The following POLE variants were observed in gnomAD, a reference collection of about 807,000 sequenced individuals.
POLE encodes the protein DNA polymerase epsilon, catalytic subunit, also known as DNA polymerase epsilon catalytic subunit A.
POLE carries 188 observed loss-of-function variants against 279.2 expected under a neutral mutation model. That is an observed-to-expected ratio of 0.67 (90% CI 0.60 to 0.76). The LOEUF is 0.76. Ranked by LOEUF, POLE falls within the 30% of genes least tolerant of loss-of-function variation. The probability of loss-of-function intolerance (pLI) is 0.00; values close to 1 mark genes in which losing one functional copy is unlikely to be tolerated. For missense variants in POLE, 2,703 were observed against 3,016.7 expected (o/e 0.90, Z 2.44); for synonymous variants, 1,214 against 1,172.5 (o/e 1.04, Z -0.72).
rs745638752 is a variant in POLE, at chr12:132,676,142, G to C, written c.972C>G (p.Pro324=). The part of the protein sequence containing the change: ...SEDIEDFEFT[P]KPEYEGPFCV... ...AAAAGGGGCCTTCATATTCTGGCTT[G>C]GGGGTGAACTCAAAATCTTCAATAT... The change falls in exon 10 of 49, where the codon CCC becomes CCG. Residue 324 remains proline (P), a synonymous_variant. Coordinates refer to ENST00000320574, the MANE Select transcript of POLE (RefSeq NM_006231.4). 4 of 1,612,816 alleles carry C rather than the reference G, an allele frequency of 2.5e-6. No homozygotes were observed. In the African/African-American group the frequency reaches 4.0e-5, roughly 16 times the overall value.
chr12:132,675,652 C>T lies in POLE; in HGVS notation c.1106+83G>A, dbSNP rs556511737. On this transcript the variant is annotated intron_variant, in intron 11 of 48. Transcript: ENST00000320574. The surrounding 1 kb of genome is among the most constrained non-coding windows in gnomAD (Gnocchi z 4.3). ...TGAACCCAGGAGCCACCTCCTAAGT[C>T]GACATGGGAAGCGCCCCTGCACCAC... The T allele has an allele frequency of 1.8e-5, 28 of 1,567,438 alleles. No homozygotes were observed. Among genetic ancestry groups the T allele is most frequent in the South Asian group, 7.8e-5 (7 of 89,250 alleles).
intron 15 of POLE, 152 bp from the exon 16 acceptor site, chr12:132,672,474 A>G (rs1393677278): frequency 4.6e-5 from 48 of 1,038,018 alleles, no homozygotes; most frequent in Non-Finnish European, 6.6e-5. Context: ...GCCCTAAAGA[A>G]GCCCCCGGGG....
rs1397310290 is a variant in POLE at position 132,668,659 on chromosome 12, C to T, written c.2002G>A (p.Ala668Thr). ...CTGAACTCGCCCCTCCACTGCCAGG[C>T]CATCTTCCGCTGGCAGTTTGCTCCA... The part of the protein sequence containing the change: ...KPGANCQRKM[A>T]WQWRGEFMPA... Residue 668 changes from alanine (A) to threonine (T), a missense_variant, in exon 18 of 49, where the codon GCC (alanine) becomes ACC (threonine). Physicochemically the swap from Ala to Thr is moderately conservative, Grantham distance 58. Coordinates refer to ENST00000320574, the MANE Select transcript of POLE (RefSeq NM_006231.4). This position sits in a 1 kb window ranked among gnomAD's most constrained non-coding sequence, Gnocchi z 4.0. The T allele has an allele frequency of 1.2e-5, 20 of 1,613,224 alleles. No individual in the cohort carries two copies. In the Admixed American group the frequency reaches 3.3e-4, roughly 27 times the overall value.
At chr12:132,659,061 C>T (rs897861208) in intron 26 of POLE, among the ~76,000 whole-genome samples, 2 of 152,158 alleles carry the variant, frequency 1.3e-5, no homozygotes, top group Non-Finnish European at 2.9e-5. Flanking sequence ...TATAGTGTAT[C>T]TCATTCCCTA....
chr12:132,651,966 C>T (rs568158626), intron 29 of POLE, among the ~76,000 whole-genome samples: 45 of 152,328 alleles, frequency 3.0e-4, no homozygotes, highest in African/African-American at 9.4e-4. Flanking sequence ...ATAGCTAACA[C>T]GTTTATGAGC....
chr12:132,647,908 G>A (rs1334695537), intron 32 of POLE, among the ~76,000 whole-genome samples: 2 of 152,078 alleles, frequency 1.3e-5, no homozygotes, highest in African/African-American at 2.4e-5. Flanking sequence ...CTGGCTCTGC[G>A]TCTACTTTCT....
At chr12:132,649,264 A>C (rs2138603591) in intron 31 of POLE, 42 bp downstream of exon 31, 1 of 1,591,280 alleles carries the variant, frequency 6.3e-7, no homozygotes, top group Non-Finnish European at 8.6e-7. Context: ...TCCCTGGGCC[A>C]TCAGCAGAGC....
At chr12:132,676,321 A>G in intron 9 of POLE, 117 bp from the exon 10 acceptor site, 1 of 774,160 alleles carries the variant, frequency 1.3e-6, no homozygotes, top group Non-Finnish European at 2.2e-6. Flanking sequence ...GTCCACAGCA[A>G]TGTGAAAGTG....
At chr12:132,645,476 T>C (rs950093321) in intron 32 of POLE, among the ~76,000 whole-genome samples, 92 of 152,254 alleles carry the variant, frequency 6.0e-4, no homozygotes, top group Admixed American at 9.2e-4. Flanking sequence ...CGAGCTGCAC[T>C]TGCACAGGTG....
chr12:132,687,318 A>G lies in POLE; in HGVS notation c.-3T>C. 4.7e-6 allele frequency: 7 copies of G among 1,499,444 alleles called. No homozygotes were observed. Among genetic ancestry groups the G allele is most frequent in the Admixed American group, 2.1e-5 (1 of 47,764 alleles). The allele number at this position is 1,499,444 out of a possible 1,614,324, so 92.9% of individuals were successfully genotyped here. A position where few individuals can be genotyped will look rare whatever the true frequency, so the allele number is the denominator to read the frequency against. ...CGCCCGCCGCTCCTCAGAGACATGGAGCCGTTGGCTACCACCTCTGCTTCA... is the reference window on the plus strand; with the variant it reads ...CGCCCGCCGCTCCTCAGAGACATGGGGCCGTTGGCTACCACCTCTGCTTCA... On this transcript the variant is annotated 5_prime_UTR_variant, in exon 1 of 49. Coordinates refer to ENST00000320574, the MANE Select transcript of POLE (RefSeq NM_006231.4).
Position 132,641,699 on chromosome 12 carries a change from C to A in POLE, c.5326G>T (p.Ala1776Ser), listed in dbSNP as rs748644914. 4 of 1,613,696 alleles carry A rather than the reference C, an allele frequency of 2.5e-6. No homozygotes were observed. The highest frequency in any genetic ancestry group is 3.4e-6 in the Non-Finnish European group (4 of 1,180,028). The stretch of plus-strand genomic sequence containing the variant: ...TCATCGTAGCTGGCCGGGGCACTGG[C>A]AGCCTGACCACCCGTGATCATGTCC... ...LEDMITGGQA[A>S]SAPASYDETA... Residue 1776 changes from alanine (A) to serine (S), a missense_variant, in exon 39 of 49, where the codon GCC becomes TCC. By Grantham distance (99) the Ala-to-Ser change is moderately conservative. Around this residue, in one of 5 missense-constraint regions of POLE, gnomAD observed 1,551 missense variants for 1,686.1 expected, o/e 0.92. Coordinates refer to ENST00000320574, the MANE Select transcript of POLE (RefSeq NM_006231.4).
At chr12:132,674,863 C>T (rs1423168596) in intron 12 of POLE, among the ~76,000 whole-genome samples, 1 of 138,038 alleles carries the variant, frequency 7.2e-6, no homozygotes, top group Non-Finnish European at 1.5e-5. Context: ...CCCTTCCCTT[C>T]CTTCCCTTCC....
intron 32 of POLE, among the ~76,000 whole-genome samples, chr12:132,647,813 C>T (rs1462523668): frequency 1.3e-5 from 2 of 152,100 alleles, no homozygotes; most frequent in Non-Finnish European, 1.5e-5. Context: ...TCTGTGGTCT[C>T]GATGCCTCTG....
Position 132,643,212 on chromosome 12 carries a change from C to T in POLE, c.4551+12G>A, listed in dbSNP as rs745514640. ...CCAGCCAATGTGCTGCCATGGAGGG[C>T]CCAGGACTCACAGTGTCCAGCACAA... On this transcript the variant is annotated intron_variant, in intron 35 of 48. Coordinates refer to ENST00000320574, the MANE Select transcript of POLE (RefSeq NM_006231.4). The T allele has an allele frequency of 1.3e-5, 21 of 1,610,400 alleles. No homozygotes were observed. The highest frequency in any genetic ancestry group is 1.7e-5 in the Non-Finnish European group (20 of 1,177,376).
Position 132,634,425 on chromosome 12 carries a change from G to A in POLE, c.5812-47C>T. The A allele has an allele frequency of 6.4e-7, 1 of 1,560,696 alleles. No homozygotes were observed. Among genetic ancestry groups the A allele is most frequent in the Non-Finnish European group, 8.8e-7 (1 of 1,142,090 alleles). The stretch of plus-strand genomic sequence containing the variant: ...GGCTGTGTTTGCACCATCGCGGCCT[G>A]GTAGAGGGGTAGGATGCCACAGCGA... On this transcript the variant is annotated intron_variant, in intron 42 of 48. Transcript: ENST00000320574. This position sits in a 1 kb window ranked among gnomAD's most constrained non-coding sequence, Gnocchi z 4.0.
In POLE at chr12:132,639,163, G is replaced by A. The variant is rs936176137; in HGVS notation, c.5514C>T (p.His1838=). The A allele has an allele frequency of 6.2e-7, 1 of 1,614,150 alleles. No individual in the cohort carries two copies. The highest frequency in any genetic ancestry group is 8.5e-7 in the Non-Finnish European group (1 of 1,180,012). Residue 1838 remains histidine (H), a synonymous_variant, in exon 40 of 49, where the codon CAC becomes CAT. Coordinates refer to ENST00000320574, the MANE Select transcript of POLE (RefSeq NM_006231.4). The surrounding 1 kb of genome is among the most constrained non-coding windows in gnomAD (Gnocchi z 4.7). ...TCTTCATCATGTTGTGGAGTGTGCG[G>A]TGCAGGGCAGGGTCATGAAGCAGAG... ...PSSLLHDPAL[H]RTLHNMMKKL... is the part of the protein sequence containing the mutation.
chr12:132,658,155 C>CATGT (rs10687579), intron 26 of POLE, 185 bp from the exon 27 acceptor site: 5 of 548,726 alleles, frequency 9.1e-6, no homozygotes, highest in East Asian at 3.1e-5. Flanking sequence ...GTAACACGTG[C>CATGT]GTATGTGTAA....
rs1186069763 is a variant in POLE, at chr12:132,626,342, G to T, written c.6331-25C>A. ...CCTGCAGAGACCACAGCCCACATCG[G>T]GAAGGAGCTCCCGGGGCCTCCCTGC... On this transcript the variant is annotated intron_variant, in intron 45 of 48. Transcript: ENST00000320574. The T allele has an allele frequency of 3.1e-6, 5 of 1,611,396 alleles. No individual in the cohort carries two copies. In the African/African-American group the frequency reaches 5.3e-5, roughly 17 times the overall value.
At position 132,634,176 on chromosome 12, in the gene POLE, C is replaced by T. The variant is rs935178604; in HGVS notation, c.6004+10G>A. On this transcript the variant is annotated intron_variant, in intron 43 of 48. Coordinates refer to ENST00000320574, the MANE Select transcript of POLE (RefSeq NM_006231.4). The surrounding 1 kb of genome is among the most constrained non-coding windows in gnomAD (Gnocchi z 4.0). ...AGTGGGGGCTGCGCAGCCCTGGGCT[C>T]TGGGCTTACCTGAAACAATCATGAG... The T allele has an allele frequency of 5.0e-6, 8 of 1,605,964 alleles. No individual in the cohort carries two copies. The highest frequency in any genetic ancestry group is 6.8e-6 in the Non-Finnish European group (8 of 1,175,590).
Sources: allele counts gnomAD v4.1 joint callset (sites outside exome capture counted in the v4.1 genomes callset), GRCh38; gene constraint gnomAD v4.1.1; regional missense constraint gnomAD v4.1.1; non-coding constraint Gnocchi (gnomAD v3.1); transcripts MANE v1.5; gene names NCBI Gene and HGNC (gene_info 2026-07-23, HGNC 2026-07-21).